NBN: variants seen among roughly 807,000 people sequenced by gnomAD.
NBN encodes Nijmegen breakage syndrome 1 (nibrin).
Under a neutral mutation model 90.8 loss-of-function variants are expected in NBN, and 88 were observed. The observed-to-expected ratio is 0.97, with a 90% confidence interval of 0.82 to 1.16. The LOEUF (loss-of-function observed/expected upper bound fraction) is 1.16, where lower values mean the gene tolerates loss of function less well. Ranked by LOEUF, NBN falls within the 50% of genes most tolerant of loss-of-function variation. The probability of loss-of-function intolerance (pLI) is 0.00; values close to 1 mark genes in which losing one functional copy is unlikely to be tolerated. For missense variants in NBN, 894 were observed against 869.6 expected, an observed-to-expected ratio of 1.03 and a Z score of -0.35; for synonymous variants, 328 against 295.1, an observed-to-expected ratio of 1.11 and a Z score of -1.14.
At chr8:89,969,133 C>T (rs1325922044) in intron 7 of NBN, among the ~76,000 whole-genome samples, 1 of 152,138 alleles carries the variant, frequency 6.6e-6, no homozygotes. Context: ...CACTTTAGTC[C>T]TCACCTACTT....
intron 11 of NBN, among the ~76,000 whole-genome samples, chr8:89,948,587 A>C (rs916669894): frequency 9.9e-5 from 15 of 152,200 alleles, no homozygotes; most frequent in African/African-American, 3.4e-4. Context: ...ATTCTCTTGG[A>C]TGCAAAGTGG....
intron 14 of NBN, among the ~76,000 whole-genome samples, chr8:89,939,076 C>T (rs762235423): frequency 1.3e-5 from 2 of 152,126 alleles, no homozygotes; most frequent in Non-Finnish European, 2.9e-5. Flanking sequence ...AGGTTGGATA[C>T]AGTTCAAATA....
rs1424031009 is a variant in NBN at position 89,978,090 on chromosome 8, T to C, written c.584+130A>G. On this transcript the variant is annotated intron_variant, in intron 5 of 15. Transcript: ENST00000265433. Reference sequence around the variant, plus strand: ...TTACAAACTAACAAAAAACCTTCCATTAATAATACCGAACTATAACACAGC... The same window carrying C: ...TTACAAACTAACAAAAAACCTTCCACTAATAATACCGAACTATAACACAGC... 3.7e-6 allele frequency: 3 copies of C among 808,196 alleles called. No homozygotes were observed. The African/African-American group carries it at 5.2e-5, about 14-fold the overall frequency. 50.1% of individuals were successfully genotyped at this position (808,196 alleles called of 1,614,324 possible).
chr8:89,970,178 G>A (rs187213424), intron 7 of NBN, among the ~76,000 whole-genome samples, 186 bp downstream of exon 7: 1 of 151,922 alleles, frequency 6.6e-6, no homozygotes, highest in African/African-American at 2.4e-5. Context: ...GAACCCAGAA[G>A]GCAGAAGTTG....
Position 89,953,680 on chromosome 8 carries a change from T to C in NBN, c.1409A>G (p.Glu470Gly), listed in dbSNP as rs876660501. 1 of 1,610,210 alleles carries C rather than the reference T, an allele frequency of 6.2e-7. No individual in the cohort carries two copies. Among genetic ancestry groups the C allele is most frequent in the Non-Finnish European group, 8.5e-7 (1 of 1,178,546 alleles). ...QPSTKKRERD[E>G]ENQEMSSCKS... is the part of the protein sequence containing the mutation. ...GCATGAAGACATTTCTTGATTTTCTTCATCCCTTTCCCTTAGATTTAAAAA... is the reference window on the plus strand; with the variant it reads ...GCATGAAGACATTTCTTGATTTTCTCCATCCCTTTCCCTTAGATTTAAAAA... Residue 470 changes from glutamate to glycine, a missense_variant, in exon 11 of 16, where the codon GAA becomes GGA. Transcript: ENST00000265433.
intron 7 of NBN, among the ~76,000 whole-genome samples, chr8:89,969,413 C>A (rs1363126634): frequency 6.6e-6 from 1 of 152,106 alleles, no homozygotes; most frequent in Admixed American, 6.6e-5. Flanking sequence ...AAATACATTT[C>A]AACGCTAGGC....
At chr8:89,970,864 T>G (rs1811482930) in intron 6 of NBN, among the ~76,000 whole-genome samples, 1 of 152,238 alleles carries the variant, frequency 6.6e-6, no homozygotes, top group South Asian at 2.1e-4. Flanking sequence ...CATATTCAAC[T>G]GATTTAACTT....
At chr8:89,939,468 TG>T (rs1173641482) in intron 14 of NBN, among the ~76,000 whole-genome samples, 1 of 151,746 alleles carries the variant, frequency 6.6e-6, no homozygotes, top group Non-Finnish European at 1.5e-5. Flanking sequence ...AGTCAGCAGC[TG>T]TATGATGTAT....
At position 89,947,890 on chromosome 8, in the gene NBN, T is replaced by C. The variant is rs587782269; in HGVS notation, c.1848A>G (p.Gln616=). ...EAVPESSKIS[Q]ENEIGKKREL... The stretch of plus-strand genomic sequence containing the variant: ...CACGTTTCTTCCCAATTTCATTTTC[T>C]TGCTAAAGAAATAAAATAAAAAATA... The change falls in exon 12 of 16, where the codon CAA becomes CAG. Residue 616 remains glutamine (Q), a splice_region_variant and synonymous_variant. Transcript: ENST00000265433. 3 of 1,548,872 alleles carry C rather than the reference T, an allele frequency of 1.9e-6. No individual in the cohort carries two copies. Among genetic ancestry groups the C allele is most frequent in the South Asian group, 1.1e-5 (1 of 87,010 alleles).
At chr8:89,958,903 G>T in intron 8 of NBN, 49 bp from the exon 9 acceptor site, 2 of 1,606,616 alleles carry the variant, frequency 1.2e-6, no homozygotes, top group South Asian at 1.1e-5. Flanking sequence ...CTAGATAGAA[G>T]ATGAACATCT....
chr8:89,982,081 G>T, intron 2 of NBN: 1 of 492,058 alleles, frequency 2.0e-6, no homozygotes. Flanking sequence ...TAAAATAATG[G>T]CTCATCTTTC....
chr8:89,959,037 T>C (rs1305098686), intron 8 of NBN, among the ~76,000 whole-genome samples, 183 bp from the exon 9 acceptor site: 2 of 152,232 alleles, frequency 1.3e-5, no homozygotes, highest in Admixed American at 6.5e-5. Context: ...TGCGGGCATC[T>C]ATGACGGGCT....
rs565535851 is a variant in NBN, at chr8:89,964,978, G to A, written c.897-471C>T. Among the ~76,000 whole-genome samples, 12 of 152,252 alleles carry A rather than the reference G, an allele frequency of 7.9e-5. No homozygotes were observed. The East Asian group carries it at 9.7e-4, about 12-fold the overall frequency. On this transcript the variant is annotated intron_variant, in intron 7 of 15. Coordinates refer to ENST00000265433, the MANE Select transcript of NBN (RefSeq NM_002485.5). ...AAAATACAAAAATTAGCTGGGTGTA[G>A]TGGTGCACGCTTGTAATCCTAGCTA...
In NBN at chr8:89,933,537, T is replaced by A. The variant is rs896451921; in HGVS notation, c.*2045A>T. 4.3e-6 allele frequency: 1 copy of A among 231,364 alleles called. No individual in the cohort carries two copies. Among genetic ancestry groups the A allele is most frequent in the African/African-American group, 2.2e-5 (1 of 45,214 alleles). 14.3% of individuals were successfully genotyped at this position (231,364 alleles called of 1,614,324 possible). On this transcript the variant is annotated 3_prime_UTR_variant, in exon 16 of 16. Coordinates refer to ENST00000265433, the MANE Select transcript of NBN (RefSeq NM_002485.5). ...GCAAGGTAATTTAATGAGGAAAGGA[T>A]AATTCTTTCAATAAACAGTGTTACA... is the stretch of plus-strand genomic sequence containing the variant.
Position 89,933,720 on chromosome 8 carries a change from A to C in NBN, c.*1862T>G, listed in dbSNP as rs577945509. On this transcript the variant is annotated 3_prime_UTR_variant, in exon 16 of 16. Transcript: ENST00000265433. ...GGTTAAATTGGAGAGAAAAAATATC[A>C]AACAAAAGAAAAAAATAAATTTGAC... is the stretch of plus-strand genomic sequence containing the variant. 6 of 232,446 alleles carry C rather than the reference A, an allele frequency of 2.6e-5. No homozygotes were observed. The South Asian group carries it at 1.1e-3, about 42-fold the overall frequency. 14.4% of individuals were successfully genotyped at this position (232,446 alleles called of 1,614,324 possible).
chr8:89,975,487 A>G (rs73306456), intron 5 of NBN, among the ~76,000 whole-genome samples: 195 of 152,342 alleles, frequency 1.3e-3, no homozygotes, highest in African/African-American at 4.5e-3. Context: ...CCAGATAGGT[A>G]TAGGACTCTA....
intron 7 of NBN, among the ~76,000 whole-genome samples, chr8:89,969,168 T>G (rs545360754): frequency 6.6e-6 from 1 of 152,322 alleles, no homozygotes; most frequent in African/African-American, 2.4e-5. Context: ...AGCAATTTAG[T>G]CAGAAGACTG....
chr8:89,980,309 G>C (rs1240739265), intron 4 of NBN, among the ~76,000 whole-genome samples: 1 of 152,088 alleles, frequency 6.6e-6, no homozygotes, highest in Non-Finnish European at 1.5e-5. Context: ...CAAATCTATA[G>C]GTCAACCTGT....
intron 5 of NBN, among the ~76,000 whole-genome samples, chr8:89,971,566 T>C (rs574205303): frequency 1.3e-5 from 2 of 152,262 alleles, no homozygotes; most frequent in African/African-American, 2.4e-5. Flanking sequence ...AGGATGAACA[T>C]TAAACACACA....
Sources: allele counts gnomAD v4.1 joint callset (sites outside exome capture counted in the v4.1 genomes callset), GRCh38; gene constraint gnomAD v4.1.1; transcripts MANE v1.5; gene names NCBI Gene and HGNC (gene_info 2026-07-23, HGNC 2026-07-21).